CLCN5: variants seen among roughly 807,000 people sequenced by gnomAD.
The protein encoded by CLCN5 is H(+)/Cl(-) exchange transporter 5.
CLCN5 carries 17 observed loss-of-function variants against 54.0 expected under a neutral mutation model. That is an observed-to-expected ratio of 0.31 (90% CI 0.22 to 0.47). The LOEUF (loss-of-function observed/expected upper bound fraction) is 0.47, where lower values mean the gene tolerates loss of function less well. Among genes scored for constraint, CLCN5 ranks in the 20% least tolerant of loss-of-function variants. The probability of loss-of-function intolerance (pLI) is 1.00; values close to 1 mark genes in which losing one functional copy is unlikely to be tolerated. For synonymous variants in CLCN5, 222 were observed against 233.0 expected (o/e 0.95, Z 0.43); for missense variants, 448 against 646.7 (o/e 0.69, Z 3.33).
intron 3 of CLCN5, among the ~76,000 whole-genome samples, chrX:49,937,639 A>T (rs781800757): frequency 1.8e-5 from 2 of 112,087 alleles, no homozygotes; most frequent in South Asian, 7.5e-4. Context: ...TAGTTTTTTG[A>T]TGAAACAGTT....
chrX:49,980,299 CA>C (rs1269291494), intron 3 of CLCN5, among the ~76,000 whole-genome samples: 1 of 110,678 alleles, frequency 9.0e-6, no homozygotes, highest in Non-Finnish European at 1.9e-5. Flanking sequence ...TAAAACAGCC[CA>C]AAATGCTTTT....
chrX:49,924,371 G>T (rs868907485), intron 2 of CLCN5, among the ~76,000 whole-genome samples: 54 of 111,660 alleles, frequency 4.8e-4, no homozygotes, highest in African/African-American at 1.6e-3. Flanking sequence ...GTTTCACCAT[G>T]TTGGCCAGGC....
intron 3 of CLCN5, among the ~76,000 whole-genome samples, chrX:50,031,822 A>C (rs1557185883): frequency 9.6e-6 from 1 of 103,741 alleles, no homozygotes; most frequent in Non-Finnish European, 2.0e-5. Flanking sequence ...GCACCCATTA[A>C]CTCGTCATTT....
In CLCN5 at chrX:50,069,938, G is replaced by C; in HGVS notation, c.223G>C (p.Glu75Gln). ...GSSNRIMDFLEEPIPGVGTYD... is the reference protein window; with the variant it reads ...GSSNRIMDFLQEPIPGVGTYD... ...TTCAAATAGGATCATGGACTTCTTG[G>C]AGGAGCCAATCCCTGGTGTAGGGAC... Residue 75 changes from glutamate (E) to glutamine (Q), a missense_variant, in exon 5 of 15, where the codon GAG becomes CAG. Transcript: ENST00000376091. The C allele has an allele frequency of 8.3e-7, 1 of 1,209,186 alleles. No homozygotes were observed. Among genetic ancestry groups the C allele is most frequent in the Non-Finnish European group, 1.1e-6 (1 of 893,444 alleles).
At chrX:50,043,137 A>G (rs1409146087) in intron 4 of CLCN5, among the ~76,000 whole-genome samples, 3 of 112,127 alleles carry the variant, frequency 2.7e-5, no homozygotes, top group Non-Finnish European at 5.6e-5. Flanking sequence ...GTATATGTTG[A>G]AATCGTTTCC....
chrX:50,086,401 G>C lies in CLCN5; in HGVS notation c.1088G>C (p.Arg363Pro). The C allele has an allele frequency of 8.3e-7, 1 of 1,210,228 alleles. No individual in the cohort carries two copies. Among genetic ancestry groups the C allele is most frequent in the Non-Finnish European group, 1.1e-6 (1 of 894,643 alleles). ...FAALVAAFTL[R>P]SINPFGNSRL... is the part of the protein sequence containing the mutation. ...GCCTTGGTGGCAGCATTCACTCTACGCTCCATCAATCCATTTGGGAACAGC... is the reference window on the plus strand; with the variant it reads ...GCCTTGGTGGCAGCATTCACTCTACCCTCCATCAATCCATTTGGGAACAGC... The change falls in exon 11 of 15, where the codon CGC becomes CCC. Residue 363 changes from arginine to proline, a missense_variant. This residue lies in a region of CLCN5 where 297 missense variants were observed against 470.4 expected (regional missense o/e 0.63). Coordinates refer to ENST00000376091, the MANE Select transcript of CLCN5 (RefSeq NM_001127898.4).
intron 7 of CLCN5, among the ~76,000 whole-genome samples, chrX:50,077,698 T>C (rs1933483214): frequency 1.0e-5 from 1 of 99,679 alleles, no homozygotes; most frequent in Non-Finnish European, 2.0e-5. Flanking sequence ...TTAAATGTAA[T>C]TGGCCAGGCG....
chrX:50,066,994 A>T (rs190465510), intron 4 of CLCN5, among the ~76,000 whole-genome samples: 141 of 112,122 alleles, frequency 1.3e-3, no homozygotes, highest in African/African-American at 4.4e-3. Flanking sequence ...CTCCCAGATC[A>T]AGAAAAATGA....
At chrX:50,019,462 TTTTTTC>T (rs1930961790) in intron 3 of CLCN5, among the ~76,000 whole-genome samples, 2 of 91,189 alleles carry the variant, frequency 2.2e-5, no homozygotes, top group African/African-American at 8.9e-5. Flanking sequence ...CTTACTTTTT[TTTTTTC>T]TTTTTTTTTT....
chrX:50,081,947 A>G, intron 9 of CLCN5, 100 bp downstream of exon 9: 1 of 723,877 alleles, frequency 1.4e-6, no homozygotes, highest in Admixed American at 2.7e-5. Context: ...GTTAATGCAA[A>G]CACCCTTTGA....
chrX:50,012,908 A>C (rs1171011791), intron 3 of CLCN5, among the ~76,000 whole-genome samples: 4 of 111,711 alleles, frequency 3.6e-5, no homozygotes, highest in Non-Finnish European at 5.6e-5. Flanking sequence ...AGTCAGGTGA[A>C]GGGTGGAAGA....
At chrX:49,997,333 A>G in intron 3 of CLCN5, among the ~76,000 whole-genome samples, 1 of 111,024 alleles carries the variant, frequency 9.0e-6, no homozygotes, top group East Asian at 2.9e-4. Context: ...TATCTAGCTC[A>G]TTCTGCTGAT....
intron 3 of CLCN5, among the ~76,000 whole-genome samples, chrX:49,978,307 C>T (rs1557177219): frequency 8.9e-6 from 1 of 111,769 alleles, no homozygotes; most frequent in Non-Finnish European, 1.9e-5. Flanking sequence ...GCACTGGGCC[C>T]CACAGATTAT....
chrX:49,954,145 C>G (rs1455183776), intron 3 of CLCN5, among the ~76,000 whole-genome samples: 1 of 111,182 alleles, frequency 9.0e-6, no homozygotes, highest in Non-Finnish European at 1.9e-5. Context: ...AATGTATCAG[C>G]CTTTTCCTCT....
chrX:49,939,240 G>A (rs1926180722), intron 3 of CLCN5, among the ~76,000 whole-genome samples: 2 of 110,776 alleles, frequency 1.8e-5, no homozygotes, highest in South Asian at 7.8e-4. Context: ...CGATTCCTCA[G>A]GGATCTAGAA....
chrX:49,996,054 T>C (rs1377497524), intron 3 of CLCN5, among the ~76,000 whole-genome samples: 5 of 112,258 alleles, frequency 4.5e-5, no homozygotes, highest in African/African-American at 1.6e-4. Context: ...TCTATCTCTG[T>C]GTTAGTGCTG....
At chrX:50,006,510 A>T (rs1186101608) in intron 3 of CLCN5, among the ~76,000 whole-genome samples, 1 of 111,409 alleles carries the variant, frequency 9.0e-6, no homozygotes, top group Non-Finnish European at 1.9e-5. Flanking sequence ...CCCTGGTTTT[A>T]CTGTGGGGTG....
At chrX:49,944,587 C>G (rs782274880) in intron 3 of CLCN5, among the ~76,000 whole-genome samples, 2 of 111,627 alleles carry the variant, frequency 1.8e-5, no homozygotes, top group South Asian at 7.6e-4. Context: ...CCATCAATAC[C>G]GAATTTATTG....
intron 4 of CLCN5, among the ~76,000 whole-genome samples, chrX:50,057,134 G>T (rs1557189062): frequency 9.0e-6 from 1 of 110,683 alleles, no homozygotes; most frequent in African/African-American, 3.3e-5. Flanking sequence ...CATAGCACTG[G>T]GGCAGTGTCC....
Sources: allele counts gnomAD v4.1 joint callset (sites outside exome capture counted in the v4.1 genomes callset), GRCh38; gene constraint gnomAD v4.1.1; regional missense constraint gnomAD v4.1.1; transcripts MANE v1.5; gene names NCBI Gene and HGNC (gene_info 2026-07-23, HGNC 2026-07-21).